Variants in ZNF208 observed in about 807,000 individuals in gnomAD.
ZNF208 encodes the protein zinc finger protein 208.
ZNF208 carries 10 observed loss-of-function variants against 12.1 expected under a neutral mutation model. The ratio of observed to expected loss-of-function variants is 0.83; its 90% confidence interval spans 0.51 to 1.40. ZNF208 has a LOEUF of 1.40. Ranked by LOEUF, ZNF208 falls within the 40% of genes most tolerant of loss-of-function variation. The pLI is 0.00. For synonymous variants in ZNF208, 497 were observed against 488.4 expected (o/e 1.02, Z -0.23); for missense variants, 1,652 against 1,485.0 (o/e 1.11, Z -1.85).
chr19:21,949,174 T>G (rs1178647482), intron 4 of ZNF208, among the ~76,000 whole-genome samples: 1 of 152,236 alleles, frequency 6.6e-6, no homozygotes, highest in Non-Finnish European at 1.5e-5. Flanking sequence ...AGGAAGTTGC[T>G]AAAACAGGCC....
In ZNF208 at chr19:22,008,562, TTG is replaced by T. The variant is rs536203010; in HGVS notation, c.3+2228_3+2229del. 7.6e-3 allele frequency among the ~76,000 whole-genome samples: 1,161 copies of T among 151,834 alleles called. 9 individuals carry two copies. The highest frequency in any genetic ancestry group is 0.026 in the African/African-American group (1,087 of 41,386). On this transcript the variant is annotated intron_variant, in intron 1 of 3. Coordinates refer to ENST00000397126, the MANE Select transcript of ZNF208 (RefSeq NM_007153.3). ...ATCTCACTGGGGTCAGTTTTTTTTT[TTG>T]TCTTTGGAGTGCTATTTTTTTTCAC...
At chr19:21,993,786 T>A (rs1448251565) in intron 1 of ZNF208, among the ~76,000 whole-genome samples, 2 of 152,184 alleles carry the variant, frequency 1.3e-5, no homozygotes, top group Non-Finnish European at 2.9e-5. Context: ...ACAATCATTC[T>A]TCATCCTAAA....
intron 3 of ZNF208, chr19:21,987,006 T>G: frequency 1.9e-6 from 1 of 518,098 alleles, no homozygotes; most frequent in East Asian, 3.3e-5. Flanking sequence ...TGAAGGAAGA[T>G]TACTGAAGGG....
Position 22,004,288 on chromosome 19 carries a change from G to A in ZNF208, c.3+6504C>T, listed in dbSNP as rs765977920. On this transcript the variant is annotated intron_variant, in intron 1 of 3. Transcript: ENST00000397126. ...TCCCAGCACTTTGGGAGGCCAAGGC[G>A]GCAGATCACCTGAAGTAAGGAGTTC... Among the ~76,000 whole-genome samples, 9 of 152,164 alleles carry A rather than the reference G, an allele frequency of 5.9e-5. 1 individual carries two copies. Among genetic ancestry groups the A allele is most frequent in the East Asian group, 1.9e-4 (1 of 5,160 alleles).
At position 21,969,838 on chromosome 19, in the gene ZNF208, T is replaced by C. The variant is rs528682323; in HGVS notation, c.*1353A>G. ...AGATCTAGTGACAGTGATTGCACTT[T>C]TAATACTTTTATTTAGTATGAACTC... is the stretch of plus-strand genomic sequence containing the variant. On this transcript the variant is annotated 3_prime_UTR_variant, in exon 4 of 4. Coordinates refer to ENST00000397126, the MANE Select transcript of ZNF208 (RefSeq NM_007153.3). Among the ~76,000 whole-genome samples the C allele has an allele frequency of 2.6e-5, 4 of 152,334 alleles. No homozygotes were observed. The highest frequency in any genetic ancestry group is 9.6e-5 in the African/African-American group (4 of 41,586).
rs114384138 is a variant in ZNF208, at chr19:22,002,390, G to C, written c.3+8402C>G. Among the ~76,000 whole-genome samples, 1,358 of 152,242 alleles carry C rather than the reference G, an allele frequency of 8.9e-3. 22 individuals are homozygous for C. The highest frequency in any genetic ancestry group is 0.032 in the African/African-American group (1,310 of 41,518). On this transcript the variant is annotated intron_variant, in intron 1 of 3. Coordinates refer to ENST00000397126, the MANE Select transcript of ZNF208 (RefSeq NM_007153.3). ...AAAATAAAAGGCATCCAAACATAAA[G>C]AGAGGAAGTCAAACTATCCTTATTT...
Position 21,972,732 on chromosome 19 carries a change from T to C in ZNF208, c.2302A>G (p.Lys768Glu). 10 of 1,589,064 alleles carry C rather than the reference T, an allele frequency of 6.3e-6. No individual in the cohort carries two copies. The highest frequency in any genetic ancestry group is 8.6e-6 in the Non-Finnish European group (10 of 1,166,140). Residue 768 changes from lysine (K) to glutamate (E), a missense_variant, in exon 4 of 4, where the codon AAG becomes GAG. Physicochemically the swap from Lys to Glu is moderately conservative, Grantham distance 56. Coordinates refer to ENST00000397126, the MANE Select transcript of ZNF208 (RefSeq NM_007153.3). ...GGTTTCTCTACAGTATGAATTTTCTTATGATAACTAAGGGTTGAGGACCAC... is the reference window on the plus strand; with the variant it reads ...GGTTTCTCTACAGTATGAATTTTCTCATGATAACTAAGGGTTGAGGACCAC... Reference protein sequence around the residue: ...YKWSSTLSYHKKIHTVEKPYK... With the variant: ...YKWSSTLSYHEKIHTVEKPYK...
Position 21,972,978 on chromosome 19 carries a change from T to C in ZNF208, c.2056A>G (p.Ile686Val), listed in dbSNP as rs771778354. Residue 686 changes from isoleucine (I) to valine (V), a missense_variant, in exon 4 of 4, where the codon ATT (isoleucine) becomes GTT (valine). By Grantham distance (29) the Ile-to-Val change is conservative (BLOSUM62 3). Transcript: ENST00000397126. ...KFSILTKHKV[I>V]HTGEKPYKCE... is the part of the protein sequence containing the mutation. ...TTGTAGGGTTTCTCTCCAGTATGAA[T>C]TACCTTATGTTTAGTAAGGATTGAG... is the stretch of plus-strand genomic sequence containing the variant. The C allele has an allele frequency of 1.9e-6, 3 of 1,613,684 alleles. No homozygotes were observed. Among genetic ancestry groups the C allele is most frequent in the Admixed American group, 3.3e-5 (2 of 59,946 alleles).
At position 21,970,005 on chromosome 19, in the gene ZNF208, ATTGT is replaced by A. The variant is rs1378616612; in HGVS notation, c.*1182_*1185del. 2.0e-5 allele frequency among the ~76,000 whole-genome samples: 3 copies of A among 152,114 alleles called. No homozygotes were observed. The highest frequency in any genetic ancestry group is 2.9e-5 in the Non-Finnish European group (2 of 68,012). On this transcript the variant is annotated 3_prime_UTR_variant, in exon 4 of 4. Coordinates refer to ENST00000397126, the MANE Select transcript of ZNF208 (RefSeq NM_007153.3). Reference sequence around the variant, plus strand: ...TGAGCACTGGTTAAATGTTTGTCACATTGTTTATTACAGTAGTTTTCTCCAGTAT... The same window carrying A: ...TGAGCACTGGTTAAATGTTTGTCACATTATTACAGTAGTTTTCTCCAGTAT...
intron 1 of ZNF208, among the ~76,000 whole-genome samples, chr19:21,990,188 GT>G (rs1177952962): frequency 6.6e-6 from 1 of 152,044 alleles, no homozygotes; most frequent in Non-Finnish European, 1.5e-5. Context: ...TAATGCCCAG[GT>G]TTTCTTCTAG....
intron 2 of ZNF208, among the ~76,000 whole-genome samples, chr19:21,987,694 G>A (rs994542846): frequency 3.3e-5 from 5 of 152,038 alleles, no homozygotes; most frequent in Non-Finnish European, 5.9e-5. Context: ...GCTGCTCTCC[G>A]GTAAGTTAAA....
chr19:21,973,118 C>G lies in ZNF208; in HGVS notation c.1916G>C (p.Cys639Ser). Residue 639 changes from cysteine to serine, a missense_variant, in exon 4 of 4, where the codon TGT becomes TCT. By Grantham distance (112) the Cys-to-Ser change is moderately radical. This residue lies in a region of ZNF208 where 1,239 missense variants were observed against 1,086.2 expected (regional missense o/e 1.14). Coordinates refer to ENST00000397126, the MANE Select transcript of ZNF208 (RefSeq NM_007153.3). ...AIHAGEKPYK[C>S]KECGKTFIKV... ...AATAAAGGTTTTGCCACATTCTTTA[C>G]ATTTGTAGGGCTTCTCTCCAGCATG... 6.2e-7 allele frequency: 1 copy of G among 1,613,388 alleles called. No individual in the cohort carries two copies. Among genetic ancestry groups the G allele is most frequent in the Non-Finnish European group, 8.5e-7 (1 of 1,179,644 alleles).
intron 3 of ZNF208, among the ~76,000 whole-genome samples, chr19:21,978,084 T>C (rs1970466503): frequency 6.6e-6 from 1 of 152,124 alleles, no homozygotes; most frequent in African/African-American, 2.4e-5. Flanking sequence ...CAGGGGCATA[T>C]AGATAAAACG....
chr19:21,959,167 T>G (rs1007415283), intron 4 of ZNF208, among the ~76,000 whole-genome samples: 1 of 152,168 alleles, frequency 6.6e-6, no homozygotes, highest in African/African-American at 2.4e-5. Context: ...GGACCCTGGA[T>G]GATGAAAAGT....
intron 1 of ZNF208, among the ~76,000 whole-genome samples, chr19:21,990,439 C>CTA (rs941064812): frequency 1.1e-5 from 1 of 92,278 alleles, no homozygotes; most frequent in Non-Finnish European, 2.2e-5. Context: ...TTCCATTGAT[C>CTA]TATATCTCTG....
chr19:21,965,446 T>C (rs1970146872), downstream of ZNF208, among the ~76,000 whole-genome samples: 1 of 152,042 alleles, frequency 6.6e-6, no homozygotes, highest in South Asian at 2.1e-4. Flanking sequence ...CCAGTGCCCA[T>C]CTAGGGAGAA....
chr19:21,989,991 T>C (rs1179753098), intron 1 of ZNF208, among the ~76,000 whole-genome samples: 3 of 152,220 alleles, frequency 2.0e-5, no homozygotes, highest in Non-Finnish European at 4.4e-5. Context: ...TAGCCCTTTG[T>C]CAGATGAGTA....
Position 21,974,616 on chromosome 19 carries a change from T to C in ZNF208, c.418A>G (p.Thr140Ala), listed in dbSNP as rs747961848. ...YNKLNQSLTTTQSKVFQRGKY... is the reference protein window; with the variant it reads ...YNKLNQSLTTAQSKVFQRGKY... ...CCACGTTGAAATACTTTGCTCTGTGTAGTTGTCAAACTCTGGTTAAGTTTA... is the reference window on the plus strand; with the variant it reads ...CCACGTTGAAATACTTTGCTCTGTGCAGTTGTCAAACTCTGGTTAAGTTTA... Residue 140 changes from threonine (T) to alanine (A), a missense_variant, in exon 4 of 4, where the codon ACA (threonine) becomes GCA (alanine). Coordinates refer to ENST00000397126, the MANE Select transcript of ZNF208 (RefSeq NM_007153.3). 2 of 1,613,744 alleles carry C rather than the reference T, an allele frequency of 1.2e-6. No homozygotes were observed. Among genetic ancestry groups the C allele is most frequent in the Non-Finnish European group, 1.7e-6 (2 of 1,179,750 alleles).
intron 4 of ZNF208, among the ~76,000 whole-genome samples, chr19:21,948,711 T>C (rs1969849289): frequency 6.6e-6 from 1 of 152,170 alleles, no homozygotes; most frequent in African/African-American, 2.4e-5. Context: ...ACCCAATGTT[T>C]AATGTTACAT....
Sources: allele counts gnomAD v4.1 joint callset (sites outside exome capture counted in the v4.1 genomes callset), GRCh38; gene constraint gnomAD v4.1.1; regional missense constraint gnomAD v4.1.1; transcripts MANE v1.5; gene names NCBI Gene and HGNC (gene_info 2026-07-23, HGNC 2026-07-21).